The following TBC1D25 variants were observed in gnomAD, a reference collection of about 807,000 sequenced individuals.
TBC1D25 encodes 5SN3 snoRNA.
Under a neutral mutation model 38.8 loss-of-function variants are expected in TBC1D25, and 13 were observed. The observed-to-expected ratio is 0.34, with a 90% CI of 0.22 to 0.53. TBC1D25 has a LOEUF of 0.53. TBC1D25 is among the 20% of genes least tolerant of loss of function. The pLI is 0.94. For synonymous variants in TBC1D25, 225 were observed against 255.6 expected, an observed-to-expected ratio of 0.88 and a Z score of 1.14; for missense variants, 372 against 600.0, an observed-to-expected ratio of 0.62 and a Z score of 3.97.
chrX:48,541,088 A>G (rs1474084516), intron 1 of TBC1D25, among the ~76,000 whole-genome samples: 3 of 111,733 alleles, frequency 2.7e-5, no homozygotes, highest in African/African-American at 9.8e-5. Flanking sequence ...ACCATAGAGG[A>G]CTGATTTAAC....
Position 48,560,891 on chromosome X carries a change from C to T in TBC1D25, c.1983C>T (p.Arg661=), listed in dbSNP as rs200328281. 10 of 1,211,256 alleles carry T rather than the reference C, an allele frequency of 8.3e-6. No homozygotes were observed. The Admixed American group carries it at 2.0e-4, about 24-fold the overall frequency. The change falls in exon 6 of 6, where the codon CGC becomes CGT. Residue 661 remains arginine, a synonymous_variant. Coordinates refer to ENST00000376771, the MANE Select transcript of TBC1D25 (RefSeq NM_002536.4). ...VRKHHLGRVL[R]RARALFADYL... is the part of the protein sequence containing the mutation. ...AACACCACCTGGGGCGCGTCCTGCG[C>T]CGGGCTAGGGCTCTCTTTGCTGATT... is the stretch of plus-strand genomic sequence containing the variant.
At chrX:48,546,118 C>G (rs1221252801) in intron 3 of TBC1D25, among the ~76,000 whole-genome samples, 2 of 107,476 alleles carry the variant, frequency 1.9e-5, no homozygotes, top group Non-Finnish European at 3.8e-5. Flanking sequence ...GAGGCTGAGG[C>G]ATGAGAATCG....
chrX:48,551,559 C>G (rs2061933395), intron 3 of TBC1D25, among the ~76,000 whole-genome samples: 2 of 110,377 alleles, frequency 1.8e-5, no homozygotes, highest in Non-Finnish European at 3.8e-5. Context: ...ATCTCTTGAC[C>G]TTGTGATCCG....
At chrX:48,542,917 C>T (rs2061852529) in intron 2 of TBC1D25, among the ~76,000 whole-genome samples, 1 of 111,420 alleles carries the variant, frequency 9.0e-6, no homozygotes, top group Admixed American at 9.6e-5. Context: ...TGTCAACTTA[C>T]AGTATTTCCA....
Position 48,560,328 on chromosome X carries a change from G to A in TBC1D25, c.1420G>A (p.Ala474Thr), listed in dbSNP as rs1556985827. ...PVRQRHMLRPAGGGGSTFEDA... is the reference protein window; with the variant it reads ...PVRQRHMLRPTGGGGSTFEDA... ...GCGACAGAGGCACATGCTGAGGCCT[G>A]CTGGTGGAGGAGGTAGTACCTTTGA... Residue 474 changes from alanine (A) to threonine (T), a missense_variant, in exon 6 of 6, where the codon GCT becomes ACT. Ala to Thr is a moderately conservative substitution (Grantham distance 58). Around this residue, in one of 2 missense-constraint regions of TBC1D25, gnomAD observed 312 missense variants for 549.3 expected, o/e 0.57. Transcript: ENST00000376771. The A allele has an allele frequency of 2.4e-5, 29 of 1,211,653 alleles. No homozygotes were observed. Among genetic ancestry groups the A allele is most frequent in the Non-Finnish European group, 3.1e-5 (28 of 895,501 alleles).
At position 48,560,831 on chromosome X, in the gene TBC1D25, T is replaced by C. The variant is rs782069636; in HGVS notation, c.1923T>C (p.Asn641=). The change falls in exon 6 of 6, where the codon AAT becomes AAC. Residue 641 remains asparagine, a synonymous_variant. Coordinates refer to ENST00000376771, the MANE Select transcript of TBC1D25 (RefSeq NM_002536.4). ...DHIMRNGLDY[N]ELAMHFDRLV... ...TCATGCGCAATGGGCTGGATTATAATGAGCTGGCCATGCACTTTGACCGCC... is the reference window on the plus strand; with the variant it reads ...TCATGCGCAATGGGCTGGATTATAACGAGCTGGCCATGCACTTTGACCGCC... The C allele has an allele frequency of 1.7e-6, 2 of 1,211,256 alleles. No homozygotes were observed. The highest frequency in any genetic ancestry group is 3.5e-5 in the African/African-American group (2 of 57,660).
At chrX:48,559,456 G>A (rs1423561409) in intron 5 of TBC1D25, 110 bp downstream of exon 5, 4 of 1,089,941 alleles carry the variant, frequency 3.7e-6, no homozygotes, top group Non-Finnish European at 4.9e-6. Context: ...GATGTTACAG[G>A]GCACGAAGTT....
intron 3 of TBC1D25, among the ~76,000 whole-genome samples, chrX:48,546,155 G>A (rs1404533648): frequency 1.9e-5 from 2 of 105,196 alleles, no homozygotes. Context: ...AGAGGTTGCA[G>A]TGAGCCAAGA....
rs1556985620 is a variant in TBC1D25, at chrX:48,559,956, C to T, written c.1048C>T (p.His350Tyr). ...CCTCGCTGTCATGGACCATGAGGGC[C>T]ATGCCTTTGTTTGCTTTTGTGGCAT... ...PILAVMDHEG[H>Y]AFVCFCGIMK... Residue 350 changes from histidine (H) to tyrosine (Y), a missense_variant, in exon 6 of 6, where the codon CAT becomes TAT. Coordinates refer to ENST00000376771, the MANE Select transcript of TBC1D25 (RefSeq NM_002536.4). 1 of 1,210,029 alleles carries T rather than the reference C, an allele frequency of 8.3e-7. No homozygotes were observed. The highest frequency in any genetic ancestry group is 1.7e-5 in the African/African-American group (1 of 57,331).
At chrX:48,551,928 T>C (rs2061937313) in intron 3 of TBC1D25, among the ~76,000 whole-genome samples, 1 of 111,146 alleles carries the variant, frequency 9.0e-6, no homozygotes, top group Non-Finnish European at 1.9e-5. Context: ...CCTCTGCCTG[T>C]TTTATTAGTG....
intron 2 of TBC1D25, among the ~76,000 whole-genome samples, chrX:48,543,356 C>T (rs1453058780): frequency 9.2e-6 from 1 of 108,783 alleles, no homozygotes; most frequent in Non-Finnish European, 1.9e-5. Context: ...CCTGCCTCGG[C>T]CTCCTGAGTA....
chrX:48,559,285 C>T lies in TBC1D25; in HGVS notation c.644C>T (p.Ser215Phe), dbSNP rs781890439. The T allele has an allele frequency of 1.1e-5, 13 of 1,209,006 alleles. No individual in the cohort carries two copies. The highest frequency in any genetic ancestry group is 1.5e-5 in the Non-Finnish European group (13 of 894,868). Residue 215 changes from serine (S) to phenylalanine (F), a missense_variant, in exon 5 of 6, where the codon TCC becomes TTC. By Grantham distance (155) the Ser-to-Phe change is radical. This residue lies in a region of TBC1D25 where 312 missense variants were observed against 549.3 expected (regional missense o/e 0.57). Coordinates refer to ENST00000376771, the MANE Select transcript of TBC1D25 (RefSeq NM_002536.4). ...TACCTGAACCACGAGGGCCAGCTCT[C>T]CCGACCCGAGGAGTTGCGCCTGCGG... is the stretch of plus-strand genomic sequence containing the variant. ...HTYLNHEGQL[S>F]RPEELRLRIY...
chrX:48,546,141 A>C (rs1301424965), intron 3 of TBC1D25, among the ~76,000 whole-genome samples: 2 of 106,672 alleles, frequency 1.9e-5, no homozygotes, highest in African/African-American at 3.4e-5. Flanking sequence ...TGAACCCGAA[A>C]AGCAGAGGTT....
chrX:48,545,713 T>A (rs1420888774), intron 3 of TBC1D25, among the ~76,000 whole-genome samples: 2 of 112,287 alleles, frequency 1.8e-5, no homozygotes, highest in Admixed American at 1.9e-4. Context: ...GGTGTGTGTC[T>A]TAGTCGTTTT....
At position 48,559,864 on chromosome X, in the gene TBC1D25, C is replaced by T; in HGVS notation, c.956C>T (p.Thr319Ile). The T allele has an allele frequency of 8.3e-7, 1 of 1,211,790 alleles. No individual in the cohort carries two copies. Among genetic ancestry groups the T allele is most frequent in the Non-Finnish European group, 1.1e-6 (1 of 895,577 alleles). ...PHLRALHDLL[T>I]TYAVTHPQVS... ...CTACGGGCGCTGCACGACCTGCTCA[C>T]CACCTATGCCGTTACCCACCCACAG... Residue 319 changes from threonine to isoleucine, a missense_variant, in exon 6 of 6, where the codon ACC becomes ATC. By Grantham distance (89) the Thr-to-Ile change is moderately conservative. Around this residue, in one of 2 missense-constraint regions of TBC1D25, gnomAD observed 312 missense variants for 549.3 expected, o/e 0.57. Transcript: ENST00000376771.
At chrX:48,558,446 T>C (rs1226200306) in intron 3 of TBC1D25, among the ~76,000 whole-genome samples, 3 of 111,765 alleles carry the variant, frequency 2.7e-5, no homozygotes, top group African/African-American at 9.8e-5. Flanking sequence ...AAGTACCTTA[T>C]CATGACTGTG....
In TBC1D25 at chrX:48,559,768, C is replaced by T. The variant is rs1556985534; in HGVS notation, c.860C>T (p.Thr287Met). Residue 287 changes from threonine (T) to methionine (M), a missense_variant, in exon 6 of 6, where the codon ACG (threonine) becomes ATG (methionine). Thr to Met is a moderately conservative substitution (Grantham distance 81). Coordinates refer to ENST00000376771, the MANE Select transcript of TBC1D25 (RefSeq NM_002536.4). ...GAGGACCTGGAATTCATCCGCAGCACGGTCCTCAAGGATGTACTGCGCACT... is the reference window on the plus strand; with the variant it reads ...GAGGACCTGGAATTCATCCGCAGCATGGTCCTCAAGGATGTACTGCGCACT... ...NPEDLEFIRS[T>M]VLKDVLRTDR... 4.1e-6 allele frequency: 5 copies of T among 1,211,995 alleles called. No individual in the cohort carries two copies. Among genetic ancestry groups the T allele is most frequent in the Admixed American group, 2.2e-5 (1 of 46,084 alleles).
intron 3 of TBC1D25, among the ~76,000 whole-genome samples, chrX:48,547,261 A>G (rs1361103506): frequency 1.8e-5 from 2 of 111,716 alleles, no homozygotes; most frequent in Non-Finnish European, 3.8e-5. Context: ...TAACCATTTA[A>G]CTCTACAACA....
chrX:48,550,954 CAGCCTGTCTT>C (rs1319491363), intron 3 of TBC1D25, among the ~76,000 whole-genome samples: 12 of 111,761 alleles, frequency 1.1e-4, no homozygotes, highest in Non-Finnish European at 2.1e-4. Context: ...CCACCGCGCC[CAGCCTGTCTT>C]AGCTATTCTT....
Sources: allele counts gnomAD v4.1 joint callset (sites outside exome capture counted in the v4.1 genomes callset), GRCh38; gene constraint gnomAD v4.1.1; regional missense constraint gnomAD v4.1.1; transcripts MANE v1.5; gene names NCBI Gene and HGNC (gene_info 2026-07-23, HGNC 2026-07-21).